The following ARHGEF18 variants were observed in gnomAD, a reference collection of about 807,000 sequenced individuals.
ARHGEF18 encodes the protein Rho/Rac guanine nucleotide exchange factor 18.
ARHGEF18 carries 93 observed loss-of-function variants against 155.7 expected under a neutral mutation model. The observed-to-expected ratio is 0.60, with a 90% CI of 0.50 to 0.71. The LOEUF is 0.71. ARHGEF18 is among the 30% of genes least tolerant of loss of function. The probability of loss-of-function intolerance (pLI) is 0.00; values close to 1 mark genes in which losing one functional copy is unlikely to be tolerated. For missense variants in ARHGEF18, 1,593 were observed against 1,816.1 expected (o/e 0.88, Z 2.23); for synonymous variants, 742 against 753.1 (o/e 0.99, Z 0.24).
At chr19:7,371,086 T>C (rs1047229577) in intron 2 of ARHGEF18, among the ~76,000 whole-genome samples, 3 of 151,936 alleles carry the variant, frequency 2.0e-5, no homozygotes, top group African/African-American at 7.3e-5. Context: ...CACTTTTAAA[T>C]TTTTTTGTAG....
chr19:7,364,406 C>A (rs186626676), intron 2 of ARHGEF18, among the ~76,000 whole-genome samples: 1,683 of 29,500 alleles, frequency 0.057, 37 homozygotes, highest in East Asian at 0.25. Context: ...GGAAGGAAGG[C>A]AGGCTGACTA....
Position 7,406,305 on chromosome 19 carries a change from G to A in ARHGEF18, c.967+23102G>A, listed in dbSNP as rs536921600. Among the ~76,000 whole-genome samples, 8 of 152,062 alleles carry A rather than the reference G, an allele frequency of 5.3e-5. No homozygotes were observed. The South Asian group carries it at 6.2e-4, about 12-fold the overall frequency. On this transcript the variant is annotated intron_variant, in intron 10 of 28. Coordinates refer to ENST00000668164, the MANE Select transcript of ARHGEF18 (RefSeq NM_001367823.1). Reference sequence around the variant, plus strand: ...TCACCATGTTGGCCAGGCTGGTCTCGAACCCCTGACCTCAGGTGATCCACC... The same window carrying A: ...TCACCATGTTGGCCAGGCTGGTCTCAAACCCCTGACCTCAGGTGATCCACC...
chr19:7,461,814 A>G (rs1269294354), intron 20 of ARHGEF18, among the ~76,000 whole-genome samples: 1 of 151,970 alleles, frequency 6.6e-6, no homozygotes, highest in African/African-American at 2.4e-5. Context: ...GCACCACCAC[A>G]ACCAGCTAAT....
chr19:7,365,631 G>T (rs1158349735), intron 2 of ARHGEF18, among the ~76,000 whole-genome samples: 1 of 152,196 alleles, frequency 6.6e-6, no homozygotes, highest in African/African-American at 2.4e-5. Context: ...AGGCCTGTGA[G>T]TAGGCAGCAA....
intron 1 of ARHGEF18, among the ~76,000 whole-genome samples, chr19:7,351,067 G>C (rs923312860): frequency 5.3e-5 from 8 of 152,284 alleles, no homozygotes; most frequent in African/African-American, 1.4e-4. Flanking sequence ...GCCTCCCAAA[G>C]TGCTGGGATT....
chr19:7,395,346 G>T lies in ARHGEF18; in HGVS notation c.967+12143G>T. ...CCTGGGGCGCGGGACCCCCGGGGCT[G>T]CCTCGGGCCTCCCGCCGGCTCCTGG... On this transcript the variant is annotated intron_variant, in intron 10 of 28. Transcript: ENST00000668164. This position sits in a 1 kb window ranked among gnomAD's most constrained non-coding sequence, Gnocchi z 5.0. 1 of 980,196 alleles carries T rather than the reference G, an allele frequency of 1.0e-6. No homozygotes were observed. Among genetic ancestry groups the T allele is most frequent in the Non-Finnish European group, 1.2e-6 (1 of 825,138 alleles). The allele number at this position is 980,196 out of a possible 1,614,324, so 60.7% of individuals were successfully genotyped here.
In ARHGEF18 at chr19:7,467,087, A is replaced by G; in HGVS notation, c.2978A>G (p.Gln993Arg). 6 of 1,608,696 alleles carry G rather than the reference A, an allele frequency of 3.7e-6. No homozygotes were observed. Among genetic ancestry groups the G allele is most frequent in the Non-Finnish European group, 5.1e-6 (6 of 1,176,352 alleles). The part of the protein sequence containing the change: ...VLESELVQRI[Q>R]TLSQLLLNLQ... ...TCTCCGCAGCTTGTCCAGCGGATCC[A>G]GACACTGTCCCAGCTGCTCCTGAAC... Residue 993 changes from glutamine (Q) to arginine (R), a missense_variant, in exon 25 of 29, where the codon CAG (glutamine) becomes CGG (arginine). Physicochemically the swap from Gln to Arg is conservative, Grantham distance 43. Coordinates refer to ENST00000668164, the MANE Select transcript of ARHGEF18 (RefSeq NM_001367823.1).
At chr19:7,472,899 G>A (rs749204780), downstream of ARHGEF18, 85 of 443,612 alleles carry the variant, frequency 1.9e-4, no homozygotes, top group South Asian at 1.2e-3. Flanking sequence ...ATGGGGTTTC[G>A]CCATGTTGGC....
intron 4 of ARHGEF18, 59 bp downstream of exon 4, chr19:7,375,929 G>A (rs2145417018): frequency 1.6e-6 from 2 of 1,233,454 alleles, no homozygotes; most frequent in East Asian, 3.2e-5. Context: ...AGAAAGCAGT[G>A]CTATAGGTAG....
At chr19:7,432,256 C>G (rs1974009651) in intron 10 of ARHGEF18, among the ~76,000 whole-genome samples, 1 of 152,150 alleles carries the variant, frequency 6.6e-6, no homozygotes, top group Non-Finnish European at 1.5e-5. Context: ...ATCAGATTTT[C>G]TTTAATTGTC....
chr19:7,444,451 G>A lies in ARHGEF18; in HGVS notation c.1608G>A (p.Gln536=), dbSNP rs776467515. The A allele has an allele frequency of 1.9e-6, 3 of 1,613,262 alleles. No homozygotes were observed. The highest frequency in any genetic ancestry group is 2.2e-5 in the South Asian group (2 of 91,082). ...AGAAAATCGGCGACCTCCTGGTTCA[G>A]CAGGTGGGTGCAGCCGTGTTCATCT... The part of the protein sequence containing the change: ...VIQKIGDLLV[Q]QFSGENGERM... The change falls in exon 14 of 29, where the codon CAG becomes CAA. Residue 536 remains glutamine (Q), a synonymous_variant. Coordinates refer to ENST00000668164, the MANE Select transcript of ARHGEF18 (RefSeq NM_001367823.1). The surrounding 1 kb of genome is among the most constrained non-coding windows in gnomAD (Gnocchi z 4.7).
chr19:7,467,309 C>A lies in ARHGEF18; in HGVS notation c.3105C>A (p.Asn1035Lys). ...TCCGGCTGCAGTCGACGCGTGGGAA[C>A]CTGCTGCTGGAGCAGGAGCGGCAAC... ...KQFRLQSTRG[N>K]LLLEQERQRN... is the part of the protein sequence containing the mutation. Residue 1035 changes from asparagine (N) to lysine (K), a missense_variant, in exon 26 of 29, where the codon AAC becomes AAA. By Grantham distance (94) the Asn-to-Lys change is moderately conservative. Coordinates refer to ENST00000668164, the MANE Select transcript of ARHGEF18 (RefSeq NM_001367823.1). 1 of 1,541,144 alleles carries A rather than the reference C, an allele frequency of 6.5e-7. No individual in the cohort carries two copies. The highest frequency in any genetic ancestry group is 8.7e-7 in the Non-Finnish European group (1 of 1,147,546).
chr19:7,469,232 T>C, intron 27 of ARHGEF18, 101 bp downstream of exon 27: 1 of 1,376,018 alleles, frequency 7.3e-7, no homozygotes, highest in Non-Finnish European at 9.6e-7. Flanking sequence ...TGTGCCATCC[T>C]CTGGAGAGGA....
intron 10 of ARHGEF18, among the ~76,000 whole-genome samples, chr19:7,432,932 G>A (rs76451352): frequency 0.15 from 22,473 of 152,226 alleles, 1,747 homozygotes; most frequent in East Asian, 0.2. Flanking sequence ...AGTCGAAGCG[G>A]GAGGATCACT....
At chr19:7,466,612 G>A (rs1976624053) in intron 23 of ARHGEF18, among the ~76,000 whole-genome samples, 1 of 151,004 alleles carries the variant, frequency 6.6e-6, no homozygotes, top group South Asian at 2.1e-4. Flanking sequence ...CAACCAGCCT[G>A]GCCAACATGG....
At chr19:7,396,836 A>C (rs907492525) in intron 10 of ARHGEF18, among the ~76,000 whole-genome samples, 4 of 152,134 alleles carry the variant, frequency 2.6e-5, no homozygotes, top group Non-Finnish European at 5.9e-5. Flanking sequence ...CATCTTTAAA[A>C]TGGGAATAAG....
rs1233033452 is a variant in ARHGEF18, at chr19:7,444,100, C to T, written c.1361-104C>T. On this transcript the variant is annotated intron_variant, in intron 13 of 28. Coordinates refer to ENST00000668164, the MANE Select transcript of ARHGEF18 (RefSeq NM_001367823.1). The surrounding 1 kb of genome is among the most constrained non-coding windows in gnomAD (Gnocchi z 4.7). ...AAGGCACAAGGTCTTAGGCAGAGAA[C>T]TCTCAGAAGCCAGTTCAGCACGTGA... is the stretch of plus-strand genomic sequence containing the variant. 4.1e-6 allele frequency: 6 copies of T among 1,469,874 alleles called. No homozygotes were observed. In the Admixed American group the frequency reaches 9.8e-5, roughly 24 times the overall value. The allele number at this position is 1,469,874 out of a possible 1,614,324, so 91.1% of individuals were successfully genotyped here.
chr19:7,461,076 C>T (rs1411356032), intron 20 of ARHGEF18, among the ~76,000 whole-genome samples: 1 of 151,550 alleles, frequency 6.6e-6, no homozygotes, highest in East Asian at 2.0e-4. Flanking sequence ...CGTGAGCCAC[C>T]GCTCCCGGCC....
At position 7,395,292 on chromosome 19, in the gene ARHGEF18, A is replaced by G; in HGVS notation, c.967+12089A>G. The G allele has an allele frequency of 1.0e-6, 1 of 985,648 alleles. No individual in the cohort carries two copies. The highest frequency in any genetic ancestry group is 1.2e-6 in the Non-Finnish European group (1 of 830,206). The allele number at this position is 985,648 out of a possible 1,614,324, so 61.1% of individuals were successfully genotyped here. On this transcript the variant is annotated intron_variant, in intron 10 of 28. Transcript: ENST00000668164. The surrounding 1 kb of genome is among the most constrained non-coding windows in gnomAD (Gnocchi z 5.0). The stretch of plus-strand genomic sequence containing the variant: ...GGTCCCGAGGAAAACGGGGCTCAGG[A>G]GGGGGCCCTCGGTCTCTTCAGGGGG...
Sources: gnomAD v4.1 joint callset for allele counts (sites outside exome capture counted in the v4.1 genomes callset) on GRCh38, gnomAD v4.1.1 for gene constraint, Gnocchi (gnomAD v3.1) non-coding constraint, MANE v1.5 for transcripts, NCBI Gene and HGNC (gene_info 2026-07-23, HGNC 2026-07-21) for gene names.